Variants in BOC observed in about 807,000 individuals in gnomAD.
BOC encodes the protein brother of CDO.
Under a neutral mutation model 112.0 loss-of-function variants are expected in BOC, and 76 were observed. That is an observed-to-expected ratio of 0.68 (90% CI 0.56 to 0.82). The LOEUF is 0.82. Ranked by LOEUF, BOC falls within the 40% of genes least tolerant of loss-of-function variation. The pLI is 0.00. For synonymous variants in BOC, 580 were observed against 599.8 expected, an observed-to-expected ratio of 0.97 and a Z score of 0.48; for missense variants, 1,309 against 1,511.7, an observed-to-expected ratio of 0.87 and a Z score of 2.22.
Position 113,280,014 on chromosome 3 carries a change from G to T in BOC, c.2205+9G>T, listed in dbSNP as rs946160721. 3 of 1,597,148 alleles carry T rather than the reference G, an allele frequency of 1.9e-6. No individual in the cohort carries two copies. The highest frequency in any genetic ancestry group is 2.6e-6 in the Non-Finnish European group (3 of 1,169,800). On this transcript the variant is annotated intron_variant, in intron 13 of 19. Coordinates refer to ENST00000682979, the MANE Select transcript of BOC (RefSeq NM_001378074.1). ...TCATGCTCAAGTGGATGGTAAGCGG[G>T]CCTGGCCGTGGACTGCAGTGGAAGA...
At position 113,279,905 on chromosome 3, in the gene BOC, T is replaced by C. The variant is rs756859357; in HGVS notation, c.2105T>C (p.Val702Ala). The C allele has an allele frequency of 6.2e-7, 1 of 1,613,892 alleles. No individual in the cohort carries two copies. The highest frequency in any genetic ancestry group is 8.5e-7 in the Non-Finnish European group (1 of 1,179,990). Residue 702 changes from valine (V) to alanine (A), a missense_variant, in exon 13 of 20, where the codon GTG becomes GCG. Coordinates refer to ENST00000682979, the MANE Select transcript of BOC (RefSeq NM_001378074.1). The part of the protein sequence containing the change: ...EPSAPSRPYV[V>A]SGYSGRVYER... ...AGCGCCCCCTCTCGGCCCTACGTGG[T>C]GTCGGGCTACAGCGGTCGCGTGTAC...
At chr3:113,252,363 C>A (rs1043160231) in intron 4 of BOC, among the ~76,000 whole-genome samples, 2 of 152,212 alleles carry the variant, frequency 1.3e-5, no homozygotes, top group Non-Finnish European at 2.9e-5. Flanking sequence ...TCACCATCAT[C>A]ATCATCATCA....
rs1368836942 is a variant in BOC at position 113,279,836 on chromosome 3, A to G, written c.2036A>G (p.Lys679Arg). Reference protein sequence around the residue: ...ITGLEKGTSYKFRVRALNMLG... With the variant: ...ITGLEKGTSYRFRVRALNMLG... The stretch of plus-strand genomic sequence containing the variant: ...TCCCTCTCACCAGGCACCTCCTACA[A>G]GTTTCGAGTCCGGGCTCTGAACATG... Residue 679 changes from lysine (K) to arginine (R), a missense_variant, in exon 13 of 20, where the codon AAG (lysine) becomes AGG (arginine). Transcript: ENST00000682979. 2 of 1,607,064 alleles carry G rather than the reference A, an allele frequency of 1.2e-6. No individual in the cohort carries two copies. Among genetic ancestry groups the G allele is most frequent in the Non-Finnish European group, 1.7e-6 (2 of 1,176,406 alleles).
chr3:113,284,382 T>C lies in BOC; in HGVS notation c.2704T>C (p.Cys902Arg). Residue 902 changes from cysteine to arginine, a missense_variant, in exon 17 of 20, where the codon TGC becomes CGC. Coordinates refer to ENST00000682979, the MANE Select transcript of BOC (RefSeq NM_001378074.1). Reference protein sequence around the residue: ...GFPRSALPPSCPYTMVPLGGL... With the variant: ...GFPRSALPPSRPYTMVPLGGL... ...TCCTCGAAGTGCCCTTCCACCCTCCTGCCCGTATACTATGGTGCCATTGGG... is the reference window on the plus strand; with the variant it reads ...TCCTCGAAGTGCCCTTCCACCCTCCCGCCCGTATACTATGGTGCCATTGGG... The C allele has an allele frequency of 1.2e-6, 2 of 1,614,238 alleles. No homozygotes were observed. Among genetic ancestry groups the C allele is most frequent in the Non-Finnish European group, 8.5e-7 (1 of 1,180,036 alleles).
At chr3:113,226,002 A>G (rs975441632) in intron 2 of BOC, among the ~76,000 whole-genome samples, 3 of 152,252 alleles carry the variant, frequency 2.0e-5, no homozygotes, top group African/African-American at 7.2e-5. Flanking sequence ...GTCCCAAGAA[A>G]GAATCCCAGA....
At chr3:113,241,807 C>G (rs1001328116) in intron 2 of BOC, among the ~76,000 whole-genome samples, 1 of 152,136 alleles carries the variant, frequency 6.6e-6, no homozygotes, top group Non-Finnish European at 1.5e-5. Flanking sequence ...GCTTGACTGG[C>G]AGTTGAACCC....
At chr3:113,232,043 C>T (rs1942694941) in intron 2 of BOC, among the ~76,000 whole-genome samples, 1 of 152,150 alleles carries the variant, frequency 6.6e-6, no homozygotes, top group South Asian at 2.1e-4. Context: ...GGCAGAACCT[C>T]AGCAGGGGGA....
At chr3:113,217,873 G>A (rs950106079) in intron 2 of BOC, among the ~76,000 whole-genome samples, 8 of 152,094 alleles carry the variant, frequency 5.3e-5, no homozygotes, top group Admixed American at 2.0e-4. Context: ...AGTGGCTTTC[G>A]GGGAGAAAAG....
chr3:113,222,282 AT>A (rs1415379914), intron 2 of BOC, among the ~76,000 whole-genome samples: 5 of 150,124 alleles, frequency 3.3e-5, no homozygotes, highest in East Asian at 2.0e-4. Context: ...TGGTGCTCAC[AT>A]TTTTTTTTCA....
chr3:113,273,047 C>A (rs1948304486), intron 7 of BOC, 22 bp from the exon 8 acceptor site: 1 of 1,583,916 alleles, frequency 6.3e-7, no homozygotes, highest in Non-Finnish European at 8.6e-7. Flanking sequence ...GCCCTTCTCA[C>A]CCTGCTCTGG....
At chr3:113,263,480 A>G (rs1947118680) in intron 4 of BOC, among the ~76,000 whole-genome samples, 1 of 152,230 alleles carries the variant, frequency 6.6e-6, no homozygotes, top group South Asian at 2.1e-4. Context: ...CTTACTTCAA[A>G]CAGAATCGAA....
Position 113,273,068 on chromosome 3 carries a change from G to A in BOC, c.962-1G>A. ...CTCACCCTGCTCTGGTTTCCTGGCA[G>A]AACCCCCTGAGGTCACCATGGAGCT... On this transcript the variant is annotated splice_acceptor_variant, in intron 7 of 19. Coordinates refer to ENST00000682979, the MANE Select transcript of BOC (RefSeq NM_001378074.1). LOFTEE classifies it high-confidence loss of function. 3.1e-6 allele frequency: 5 copies of A among 1,591,608 alleles called. No individual in the cohort carries two copies. Among genetic ancestry groups the A allele is most frequent in the East Asian group, 2.3e-5 (1 of 44,220 alleles).
intron 4 of BOC, among the ~76,000 whole-genome samples, chr3:113,268,095 T>G (rs1349747818): frequency 6.6e-6 from 1 of 152,186 alleles, no homozygotes; most frequent in Non-Finnish European, 1.5e-5. Flanking sequence ...ATATACAAAG[T>G]GAACCCCATC....
intron 1 of BOC, among the ~76,000 whole-genome samples, chr3:113,215,497 G>A (rs1339931954): frequency 1.3e-5 from 2 of 152,250 alleles, no homozygotes; most frequent in Admixed American, 6.5e-5. Context: ...CCTTCCCCAA[G>A]TTTGCCTGCT....
rs749139284 is a variant in BOC, at chr3:113,274,601, C to T, written c.1461C>T (p.Asp487=). Residue 487 remains aspartate, a synonymous_variant, in exon 9 of 20, where the codon GAC becomes GAT. Coordinates refer to ENST00000682979, the MANE Select transcript of BOC (RefSeq NM_001378074.1). This position sits in a 1 kb window ranked among gnomAD's most constrained non-coding sequence, Gnocchi z 4.8. ...ILSSPRTSKT[D]SYELVWRPRH... ...GCTCGCCCCGCACCTCCAAGACAGA[C>T]TCATATGAACTGGTGTGGCGGCCTC... 12 of 1,613,540 alleles carry T rather than the reference C, an allele frequency of 7.4e-6. No homozygotes were observed. The South Asian group carries it at 8.8e-5, about 12-fold the overall frequency.
At chr3:113,212,412 C>A (rs1026382136) in intron 1 of BOC, 1 of 152,266 alleles carries the variant, frequency 6.6e-6, no homozygotes, top group Non-Finnish European at 1.5e-5. Context: ...CAAACTTCCA[C>A]CGAAGGTTGA....
At chr3:113,214,663 T>C (rs1164676931) in intron 1 of BOC, among the ~76,000 whole-genome samples, 1 of 152,240 alleles carries the variant, frequency 6.6e-6, no homozygotes, top group Non-Finnish European at 1.5e-5. Context: ...GCCCTCTTGC[T>C]GTCTGGGAAA....
chr3:113,241,832 C>T (rs1944342885), intron 2 of BOC, among the ~76,000 whole-genome samples: 1 of 152,172 alleles, frequency 6.6e-6, no homozygotes. Context: ...CCCACCTCCC[C>T]CTACTCCTCA....
At chr3:113,235,049 T>C (rs778154878) in intron 2 of BOC, among the ~76,000 whole-genome samples, 1 of 152,192 alleles carries the variant, frequency 6.6e-6, no homozygotes, top group Non-Finnish European at 1.5e-5. Context: ...ATGGGATTGG[T>C]TTTCCTTTGT....
Sources: gnomAD v4.1 joint callset for allele counts (sites outside exome capture counted in the v4.1 genomes callset) on GRCh38, gnomAD v4.1.1 for gene constraint, Gnocchi (gnomAD v3.1) non-coding constraint, MANE v1.5 for transcripts, NCBI Gene and HGNC (gene_info 2026-07-23, HGNC 2026-07-21) for gene names.